Variants in ABCA13 observed in about 807,000 individuals in gnomAD.
ABCA13 encodes the protein ATP binding cassette subfamily A member 13.
ABCA13 carries 476 observed loss-of-function variants against 478.7 expected under a neutral mutation model. That is an observed-to-expected ratio of 0.99 (90% CI 0.92 to 1.07). ABCA13 has a LOEUF of 1.07. Among genes scored for constraint, ABCA13 ranks in the 50% least tolerant of loss-of-function variants. The pLI is 0.00. For synonymous variants in ABCA13, 2,252 were observed against 2,158.9 expected (o/e 1.04, Z -1.20); for missense variants, 6,060 against 5,910.6 (o/e 1.03, Z -0.83).
chr7:48,303,005 T>C (rs1250237511), intron 23 of ABCA13, among the ~76,000 whole-genome samples: 1 of 152,174 alleles, frequency 6.6e-6, no homozygotes, highest in Non-Finnish European at 1.5e-5. Context: ...TCGGTTACTT[T>C]TTTGACTTTT....
At chr7:48,313,983 ATGTGTGTG>A (rs1554436363) in intron 25 of ABCA13, among the ~76,000 whole-genome samples, 3 of 78,184 alleles carry the variant, frequency 3.8e-5, no homozygotes, top group Non-Finnish European at 7.0e-5. Flanking sequence ...GTGTGTGTGT[ATGTGTGTG>A]TGTGTGTGTG....
intron 27 of ABCA13, among the ~76,000 whole-genome samples, chr7:48,330,318 T>C (rs1325995507): frequency 1.4e-5 from 2 of 146,664 alleles, no homozygotes; most frequent in Non-Finnish European, 3.0e-5. Flanking sequence ...TCCATCCATC[T>C]ACCCATACAC....
intron 32 of ABCA13, among the ~76,000 whole-genome samples, chr7:48,369,734 C>A (rs1214199584): frequency 6.6e-6 from 1 of 152,098 alleles, no homozygotes; most frequent in African/African-American, 2.4e-5. Context: ...GTTCTTTATT[C>A]TGTTCGATTG....
rs1248284725 is a variant in ABCA13 at position 48,489,274 on chromosome 7, C to G, written c.13221C>G (p.Ser4407=). Residue 4407 remains serine, a synonymous_variant, in exon 48 of 62, where the codon TCC becomes TCG. Coordinates refer to ENST00000435803, the MANE Select transcript of ABCA13 (RefSeq NM_152701.5). ...AGAAGGGTTTTCATTCCCTACCTTCCTACTTAAATCATCTAAACAACCTTA... is the reference window on the plus strand; with the variant it reads ...AGAAGGGTTTTCATTCCCTACCTTCGTACTTAAATCATCTAAACAACCTTA... ...YNQKGFHSLP[S]YLNHLNNLIL... 6.2e-7 allele frequency: 1 copy of G among 1,612,728 alleles called. No individual in the cohort carries two copies. The highest frequency in any genetic ancestry group is 2.2e-5 in the East Asian group (1 of 44,830).
rs79465500 is a variant in ABCA13 at position 48,281,514 on chromosome 7, G to T, written c.8836+62G>T. 6,045 of 1,400,042 alleles carry T rather than the reference G, an allele frequency of 4.3e-3. 225 individuals are homozygous for T. In the African/African-American group the frequency reaches 0.076, roughly 18 times the overall value. 86.7% of individuals were successfully genotyped at this position (1,400,042 alleles called of 1,614,324 possible). A position where few individuals can be genotyped will look rare whatever the true frequency, so the allele number is the denominator to read the frequency against. On this transcript the variant is annotated intron_variant, in intron 19 of 61. Transcript: ENST00000435803. ...CTGTGCCAGTTTTCAGAACTCAGGT[G>T]TCAGAGAGATGAGTATATTGCACTT...
chr7:48,634,285 G>A (rs755685907), intron 59 of ABCA13, among the ~76,000 whole-genome samples: 2 of 152,112 alleles, frequency 1.3e-5, no homozygotes, highest in South Asian at 2.1e-4. Flanking sequence ...GATGTCTTTG[G>A]TTTTGGTATT....
chr7:48,600,543 T>C (rs1417137092), intron 58 of ABCA13, among the ~76,000 whole-genome samples: 1 of 152,178 alleles, frequency 6.6e-6, no homozygotes, highest in Non-Finnish European at 1.5e-5. Flanking sequence ...TGAAGTATAC[T>C]GTATTTAATG....
chr7:48,200,008 C>T (rs1798448765), intron 3 of ABCA13, among the ~76,000 whole-genome samples: 1 of 152,176 alleles, frequency 6.6e-6, no homozygotes, highest in South Asian at 2.1e-4. Flanking sequence ...GGCACAGAGG[C>T]ATTCAACCAA....
intron 59 of ABCA13, among the ~76,000 whole-genome samples, chr7:48,636,098 T>C (rs547105143): frequency 6.6e-6 from 1 of 152,274 alleles, no homozygotes; most frequent in South Asian, 2.1e-4. Context: ...AGTCCAATTT[T>C]AACATCCATA....
chr7:48,198,211 C>G (rs762415185), intron 2 of ABCA13, 26 bp from the exon 3 acceptor site: 1 of 1,605,726 alleles, frequency 6.2e-7, no homozygotes, highest in Non-Finnish European at 8.5e-7. Flanking sequence ...TATACGGACT[C>G]ATTTCTTCTT....
intron 19 of ABCA13, among the ~76,000 whole-genome samples, chr7:48,286,560 A>C (rs919323487): frequency 1.3e-5 from 2 of 151,538 alleles, no homozygotes; most frequent in Admixed American, 1.3e-4. Flanking sequence ...GCTGGAGTGC[A>C]GTGGTGCGAC....
chr7:48,206,990 G>A (rs1785015467), intron 3 of ABCA13, among the ~76,000 whole-genome samples: 1 of 151,900 alleles, frequency 6.6e-6, no homozygotes, highest in African/African-American at 2.4e-5. Flanking sequence ...TCAGCCTCTG[G>A]TAACTATCAT....
Position 48,230,736 on chromosome 7 carries a change from A to AATCCATCC in ABCA13, c.763+786_763+793dup, listed in dbSNP as rs201232654. Reference sequence around the variant, plus strand: ...CCATCTATCCATCTATTCATCCATTAATCCATCCATCCGTCCATCCATCCA... The same window carrying AATCCATCC: ...CCATCTATCCATCTATTCATCCATTAATCCATCCATCCATCCATCCGTCCATCCATCCA... On this transcript the variant is annotated intron_variant, in intron 7 of 61. Coordinates refer to ENST00000435803, the MANE Select transcript of ABCA13 (RefSeq NM_152701.5). Among the ~76,000 whole-genome samples, 24 of 149,664 alleles carry AATCCATCC rather than the reference A, an allele frequency of 1.6e-4. 1 individual carries two copies. The highest frequency in any genetic ancestry group is 1.3e-3 in the South Asian group (6 of 4,680).
At chr7:48,613,460 G>A (rs1792231773) in intron 58 of ABCA13, among the ~76,000 whole-genome samples, 2 of 152,162 alleles carry the variant, frequency 1.3e-5, no homozygotes, top group South Asian at 4.1e-4. Context: ...AAAGTGCTGG[G>A]ATTACAGGCA....
intron 34 of ABCA13, among the ~76,000 whole-genome samples, chr7:48,374,691 C>G (rs949842313): frequency 6.6e-6 from 1 of 152,158 alleles, no homozygotes; most frequent in Non-Finnish European, 1.5e-5. Context: ...CCACCCTTGA[C>G]GTCTGGTCTG....
At chr7:48,444,723 G>C (rs1824057335) in intron 42 of ABCA13, among the ~76,000 whole-genome samples, 1 of 151,992 alleles carries the variant, frequency 6.6e-6, no homozygotes, top group Admixed American at 6.6e-5. Context: ...CACCTCTCTT[G>C]GCTCTTGGCT....
chr7:48,515,629 G>A (rs903326173), intron 51 of ABCA13, among the ~76,000 whole-genome samples: 1 of 152,098 alleles, frequency 6.6e-6, no homozygotes, highest in African/African-American at 2.4e-5. Context: ...TCTGAACTCT[G>A]CAAATCCCCA....
At chr7:48,211,933 A>G (rs985212219) in intron 3 of ABCA13, among the ~76,000 whole-genome samples, 24 of 151,656 alleles carry the variant, frequency 1.6e-4, no homozygotes, top group Non-Finnish European at 1.5e-5. Context: ...GGGTTGATGT[A>G]AGCACTCTAA....
intron 3 of ABCA13, among the ~76,000 whole-genome samples, chr7:48,204,697 C>G (rs888401924): frequency 6.6e-6 from 1 of 152,138 alleles, no homozygotes; most frequent in Non-Finnish European, 1.5e-5. Flanking sequence ...TTTTGTATTC[C>G]CCATCTGTCC....
Sources: allele counts gnomAD v4.1 joint callset (sites outside exome capture counted in the v4.1 genomes callset), GRCh38; gene constraint gnomAD v4.1.1; transcripts MANE v1.5; gene names NCBI Gene and HGNC (gene_info 2026-07-23, HGNC 2026-07-21).